Variants in OSBPL10 observed in about 807,000 individuals in gnomAD.
The protein encoded by OSBPL10 is oxysterol binding protein like 10, also known as oxysterol-binding protein-related protein 10.
Under a neutral mutation model 81.7 loss-of-function variants are expected in OSBPL10, and 49 were observed. The observed-to-expected ratio is 0.60, with a 90% CI of 0.48 to 0.76. The LOEUF is 0.76. Ranked by LOEUF, OSBPL10 falls within the 30% of genes least tolerant of loss-of-function variation. The probability of loss-of-function intolerance (pLI) is 0.00; values close to 1 mark genes in which losing one functional copy is unlikely to be tolerated. For missense variants in OSBPL10, 923 were observed against 987.8 expected, an observed-to-expected ratio of 0.93 and a Z score of 0.88; for synonymous variants, 419 against 383.6, an observed-to-expected ratio of 1.09 and a Z score of -1.08.
chr3:32,051,342 TC>T (rs1699668581), intron 1 of OSBPL10, among the ~76,000 whole-genome samples: 1 of 152,100 alleles, frequency 6.6e-6, no homozygotes, highest in African/African-American at 2.4e-5. Context: ...CTGACTTTTT[TC>T]CTTTTGGAGC....
intron 3 of OSBPL10, among the ~76,000 whole-genome samples, chr3:31,874,519 A>G (rs1331057992): frequency 6.6e-6 from 1 of 152,212 alleles, no homozygotes; most frequent in Non-Finnish European, 1.5e-5. Context: ...ACTGCAAATC[A>G]AGAGGAAAAA....
chr3:31,720,927 G>T (rs1460001333), intron 6 of OSBPL10, among the ~76,000 whole-genome samples: 1 of 148,310 alleles, frequency 6.7e-6, no homozygotes, highest in Non-Finnish European at 1.5e-5. Flanking sequence ...TCCAAGTCCT[G>T]ATATGTTAGG....
intron 8 of OSBPL10, among the ~76,000 whole-genome samples, chr3:31,674,542 A>G (rs1700406169): frequency 6.6e-6 from 1 of 152,132 alleles, no homozygotes. Flanking sequence ...CCTGGACAAC[A>G]GAGTGAGACC....
intron 3 of OSBPL10, among the ~76,000 whole-genome samples, chr3:31,857,979 A>G (rs1036122030): frequency 2.9e-5 from 4 of 137,472 alleles, no homozygotes; most frequent in Non-Finnish European, 6.2e-5. Flanking sequence ...CTATCATGGT[A>G]TATCTTCCCC....
chr3:31,973,154 C>T (rs913481809), intron 1 of OSBPL10, among the ~76,000 whole-genome samples: 1 of 152,210 alleles, frequency 6.6e-6, no homozygotes, highest in Admixed American at 6.5e-5. Flanking sequence ...TTCAACCCTT[C>T]TTTCAGGACA....
chr3:32,065,944 G>GAAAAAGA (rs1553652501), intron 1 of OSBPL10, among the ~76,000 whole-genome samples: 2 of 35,860 alleles, frequency 5.6e-5, no homozygotes, highest in Non-Finnish European at 1.6e-4. Context: ...AAAGAAGAAA[G>GAAAAAGA]AAGAAAGAAA....
intron 1 of OSBPL10, among the ~76,000 whole-genome samples, chr3:31,894,916 G>C (rs1189430129): frequency 6.6e-6 from 1 of 152,148 alleles, no homozygotes; most frequent in African/African-American, 2.4e-5. Flanking sequence ...GAGGAAAAAT[G>C]CTGTCGTATT....
intron 2 of OSBPL10, 28 bp from the exon 3 acceptor site, chr3:31,876,540 T>G (rs1701476712): frequency 1.9e-6 from 3 of 1,574,954 alleles, no homozygotes; most frequent in Non-Finnish European, 2.6e-6. Context: ...GAGAAAGAAA[T>G]GATTGCAGAG....
chr3:31,778,859 G>A (rs1698615189), intron 4 of OSBPL10, among the ~76,000 whole-genome samples: 1 of 152,178 alleles, frequency 6.6e-6, no homozygotes, highest in African/African-American at 2.4e-5. Context: ...CAGATTAACA[G>A]CAGATTTCTC....
intron 1 of OSBPL10, among the ~76,000 whole-genome samples, chr3:31,935,145 C>G (rs1697350635): frequency 6.6e-6 from 1 of 152,184 alleles, no homozygotes; most frequent in African/African-American, 2.4e-5. Context: ...AGCCTCTGCC[C>G]TGCAACCACT....
intron 1 of OSBPL10, among the ~76,000 whole-genome samples, chr3:31,963,464 C>T (rs539559236): frequency 1.3e-5 from 2 of 152,194 alleles, no homozygotes; most frequent in South Asian, 2.1e-4. Flanking sequence ...TTAAATGCTG[C>T]CAGTTCTTCA....
chr3:32,015,983 T>C (rs1699310347), intron 2 of OSBPL10, among the ~76,000 whole-genome samples: 1 of 152,162 alleles, frequency 6.6e-6, no homozygotes, highest in South Asian at 2.1e-4. Context: ...TAGGAACACT[T>C]TTACACTGTT....
intron 3 of OSBPL10, among the ~76,000 whole-genome samples, chr3:31,856,499 T>G (rs1055309421): frequency 5.3e-5 from 8 of 152,262 alleles, no homozygotes; most frequent in Admixed American, 2.0e-4. Context: ...AATCCTTAGA[T>G]GAGCTTGTCC....
At position 31,773,214 on chromosome 3, in the gene OSBPL10, T is replaced by C. The variant is rs74533428; in HGVS notation, c.730-25094A>G. 1.2e-3 allele frequency among the ~76,000 whole-genome samples: 182 copies of C among 152,322 alleles called. 1 individual carries two copies. The highest frequency in any genetic ancestry group is 4.1e-3 in the African/African-American group (170 of 41,576). ...ATTGGCAAATTTCCTCTTCCTTTTT[T>C]GGATGTACTACATTTTGATTCATTA... On this transcript the variant is annotated intron_variant, in intron 4 of 11. Coordinates refer to ENST00000396556, the MANE Select transcript of OSBPL10 (RefSeq NM_017784.5).
At chr3:31,738,049 A>G (rs184420745) in intron 5 of OSBPL10, among the ~76,000 whole-genome samples, 129 of 152,172 alleles carry the variant, frequency 8.5e-4, no homozygotes, top group Non-Finnish European at 1.6e-3. Flanking sequence ...CAGAGATCCA[A>G]GAGATAAAGG....
intron 1 of OSBPL10, among the ~76,000 whole-genome samples, chr3:31,921,520 T>C (rs905711766): frequency 2.0e-5 from 3 of 152,010 alleles, no homozygotes; most frequent in South Asian, 2.1e-4. Flanking sequence ...CCAACAAAAA[T>C]GGAAACATTT....
intron 5 of OSBPL10, among the ~76,000 whole-genome samples, chr3:31,736,778 T>A (rs904546320): frequency 2.6e-5 from 4 of 152,198 alleles, no homozygotes; most frequent in Non-Finnish European, 5.9e-5. Flanking sequence ...TACACGCCTG[T>A]AGTCCCAGCT....
At chr3:31,885,995 C>CAAAAAAAAA (rs397957994) in intron 1 of OSBPL10, among the ~76,000 whole-genome samples, 16 of 62,224 alleles carry the variant, frequency 2.6e-4, no homozygotes, top group East Asian at 4.6e-4. Flanking sequence ...AACTCCATCT[C>CAAAAAAAAA]AAAAAAAAAA....
chr3:31,936,854 T>C (rs760438140), intron 1 of OSBPL10, among the ~76,000 whole-genome samples: 6 of 152,226 alleles, frequency 3.9e-5, no homozygotes, highest in Non-Finnish European at 8.8e-5. Flanking sequence ...CAGACATGAC[T>C]TATCACACCG....
Sources: allele counts gnomAD v4.1 joint callset (sites outside exome capture counted in the v4.1 genomes callset), GRCh38; gene constraint gnomAD v4.1.1; transcripts MANE v1.5; gene names NCBI Gene and HGNC (gene_info 2026-07-23, HGNC 2026-07-21).